The following MAP7D1 variants were observed in gnomAD, a reference collection of about 807,000 sequenced individuals.
The protein encoded by MAP7D1 is MAP7 domain-containing protein 1.
MAP7D1 carries 30 observed loss-of-function variants against 97.5 expected under a neutral mutation model. The ratio of observed to expected loss-of-function variants is 0.31; its 90% CI spans 0.23 to 0.42. MAP7D1 has a LOEUF of 0.42. Among genes scored for constraint, MAP7D1 ranks in the 10% least tolerant of loss-of-function variants. The probability of loss-of-function intolerance (pLI) is 1.00; values close to 1 mark genes in which losing one functional copy is unlikely to be tolerated. For synonymous variants in MAP7D1, 536 were observed against 477.1 expected (o/e 1.12, Z -1.61); for missense variants, 1,184 against 1,179.5 (o/e 1.00, Z -0.06).
intron 1 of MAP7D1, among the ~76,000 whole-genome samples, chr1:36,161,863 A>ATGTATGTG (rs1644413678): frequency 7.3e-6 from 1 of 137,846 alleles, no homozygotes; most frequent in African/African-American, 2.8e-5. Context: ...TTTCCTCTGC[A>ATGTATGTG]TGTGTGTGTG....
intron 1 of MAP7D1, among the ~76,000 whole-genome samples, chr1:36,168,741 G>A (rs965935765): frequency 2.6e-5 from 4 of 152,152 alleles, no homozygotes; most frequent in African/African-American, 7.2e-5. Flanking sequence ...AATTTATTGC[G>A]TAACACCTAT....
intron 5 of MAP7D1, 97 bp downstream of exon 5, chr1:36,173,575 G>A (rs747188471): frequency 2.3e-6 from 2 of 865,966 alleles, no homozygotes; most frequent in Non-Finnish European, 3.6e-6. Flanking sequence ...GTGGCTCCCT[G>A]CAGCAGGTGT....
intron 1 of MAP7D1, among the ~76,000 whole-genome samples, chr1:36,167,508 CGTG>C (rs1644487594): frequency 6.6e-6 from 1 of 152,104 alleles, no homozygotes; most frequent in African/African-American, 2.4e-5. Flanking sequence ...GATGAGGAGA[CGTG>C]GATATATTCT....
rs775698258 is a variant in MAP7D1 at position 36,178,187 on chromosome 1, C to T, written c.1694C>T (p.Ala565Val). 8 of 1,570,454 alleles carry T rather than the reference C, an allele frequency of 5.1e-6. No homozygotes were observed. The Admixed American group carries it at 7.4e-5, about 15-fold the overall frequency. The change falls in exon 9 of 17, where the codon GCG becomes GTG. Residue 565 changes from alanine to valine, a missense_variant. By Grantham distance (64) the Ala-to-Val change is moderately conservative. Coordinates refer to ENST00000474796, the MANE Select transcript of MAP7D1 (RefSeq NM_001388490.1). The part of the protein sequence containing the change: ...PAPPQKEQPP[A>V]ETPTDAAVLT... The stretch of plus-strand genomic sequence containing the variant: ...CCGCCCCAGAAGGAGCAGCCCCCCG[C>T]GGAGACCCCTACAGGTAGGAATGAA...
At chr1:36,162,510 A>G (rs1012519489) in intron 1 of MAP7D1, among the ~76,000 whole-genome samples, 1 of 152,208 alleles carries the variant, frequency 6.6e-6, no homozygotes, top group African/African-American at 2.4e-5. Flanking sequence ...TCTGGATTCA[A>G]ATCCTACCTC....
chr1:36,156,318 G>T lies in MAP7D1; in HGVS notation c.-100G>T. 1 of 1,043,770 alleles carries T rather than the reference G, an allele frequency of 9.6e-7. No individual in the cohort carries two copies. The allele number at this position is 1,043,770 out of a possible 1,614,324, so 64.7% of individuals were successfully genotyped here. ...CTCCGAGTCGCTACTTGCCGGGCCG[G>T]GCCGGGCCGGGCGTGATGCGCCGCG... On this transcript the variant is annotated 5_prime_UTR_variant, in exon 1 of 17. Coordinates refer to ENST00000474796, the MANE Select transcript of MAP7D1 (RefSeq NM_001388490.1).
chr1:36,172,913 T>A (rs979069141), intron 4 of MAP7D1, among the ~76,000 whole-genome samples: 2 of 152,238 alleles, frequency 1.3e-5, no homozygotes, highest in Non-Finnish European at 2.9e-5. Flanking sequence ...CAGGTATGCA[T>A]CTGTGTGAGC....
Position 36,156,227 on chromosome 1 carries a change from C to T in MAP7D1, c.-191C>T. ...GGGTTCGCGACCGCAGCCGAGAGAC[C>T]CCGGGCGACCGGCACCTCCGAGACT... On this transcript the variant is annotated 5_prime_UTR_variant, in exon 1 of 17. Transcript: ENST00000474796. 2.2e-6 allele frequency: 1 copy of T among 445,086 alleles called. No homozygotes were observed. The allele number at this position is 445,086 out of a possible 1,614,324, so 27.6% of individuals were successfully genotyped here. A position where few individuals can be genotyped will look rare whatever the true frequency, so the allele number is the denominator to read the frequency against.
At chr1:36,167,523 C>T (rs901544561) in intron 1 of MAP7D1, among the ~76,000 whole-genome samples, 25 of 152,290 alleles carry the variant, frequency 1.6e-4, no homozygotes, top group African/African-American at 5.3e-4. Context: ...ATATATTCTT[C>T]GGGGCAGGTG....
Position 36,178,207 on chromosome 1 carries a change from A to C in MAP7D1, c.1708+6A>C. The C allele has an allele frequency of 6.5e-7, 1 of 1,531,096 alleles. No individual in the cohort carries two copies. The highest frequency in any genetic ancestry group is 1.2e-5 in the South Asian group (1 of 83,730). 94.8% of individuals were successfully genotyped at this position (1,531,096 alleles called of 1,614,324 possible). A position where few individuals can be genotyped will look rare whatever the true frequency, so the allele number is the denominator to read the frequency against. On this transcript the variant is annotated splice_donor_region_variant and intron_variant, in intron 9 of 16. Coordinates refer to ENST00000474796, the MANE Select transcript of MAP7D1 (RefSeq NM_001388490.1). The stretch of plus-strand genomic sequence containing the variant: ...CCCCGCGGAGACCCCTACAGGTAGG[A>C]ATGAAGAGAGGGGAGGGGTGGGCCG...
intron 2 of MAP7D1, 44 bp downstream of exon 2, chr1:36,171,359 G>A: frequency 6.5e-7 from 1 of 1,544,136 alleles, no homozygotes; most frequent in South Asian, 1.2e-5. Flanking sequence ...TCTTGGCTCA[G>A]GGTCCTGGCC....
rs146307626 is a variant in MAP7D1, at chr1:36,173,439, G to T, written c.700G>T (p.Ala234Ser). The T allele has an allele frequency of 4.0e-4, 653 of 1,613,914 alleles. 1 individual carries two copies. Among genetic ancestry groups the T allele is most frequent in the Non-Finnish European group, 5.3e-4 (620 of 1,179,984 alleles). The change falls in exon 5 of 17, where the codon GCA (alanine) becomes TCA (serine). Residue 234 changes from alanine (A) to serine (S), a missense_variant. Ala to Ser is a moderately conservative substitution (Grantham distance 99, BLOSUM62 1). Transcript: ENST00000474796. ...AEIRQQRWSW[A>S]GALHHSSPGH... ...AATCCGGCAGCAGCGCTGGTCCTGG[G>T]CAGGGGCCCTGCACCACAGCTCTCC...
At position 36,179,497 on chromosome 1, in the gene MAP7D1, T is replaced by A. The variant is rs1644685524; in HGVS notation, c.2185-18T>A. ...CCGGCTGTCCCTTGAGCCTGACTGCTCTTCCTCTTCAAAGCAGAAGCAGGA... is the reference window on the plus strand; with the variant it reads ...CCGGCTGTCCCTTGAGCCTGACTGCACTTCCTCTTCAAAGCAGAAGCAGGA... On this transcript the variant is annotated intron_variant, in intron 13 of 16. Transcript: ENST00000474796. The A allele has an allele frequency of 1.3e-6, 2 of 1,580,162 alleles. No homozygotes were observed. The highest frequency in any genetic ancestry group is 4.6e-5 in the East Asian group (2 of 43,552).
chr1:36,177,323 C>T (rs938021820), intron 8 of MAP7D1: 1 of 295,020 alleles, frequency 3.4e-6, no homozygotes, highest in Admixed American at 4.9e-5. Context: ...AGTACCCCAA[C>T]ACCTAAAATA....
Position 36,176,600 on chromosome 1 carries a change from T to C in MAP7D1, c.1233+19T>C. ...CTCGCCGGTGAGTGGCTCTACTGGC[T>C]CGAGTGGCCGCGCAGGTGGGGACAG... On this transcript the variant is annotated intron_variant, in intron 7 of 16. Transcript: ENST00000474796. This position sits in a 1 kb window ranked among gnomAD's most constrained non-coding sequence, Gnocchi z 6.1. 2 of 1,539,874 alleles carry C rather than the reference T, an allele frequency of 1.3e-6. No homozygotes were observed. The highest frequency in any genetic ancestry group is 1.9e-5 in the Admixed American group (1 of 52,530).
Position 36,179,335 on chromosome 1 carries a change from G to C in MAP7D1, c.2184+20G>C. The C allele has an allele frequency of 6.2e-7, 1 of 1,613,766 alleles. No individual in the cohort carries two copies. On this transcript the variant is annotated intron_variant, in intron 13 of 16. Coordinates refer to ENST00000474796, the MANE Select transcript of MAP7D1 (RefSeq NM_001388490.1). ...ACCAAGGTCAGAATTCCCCCGAAGG[G>C]CAGTGCTGGGCGTGGGGGGCAGGGT...
intron 4 of MAP7D1, among the ~76,000 whole-genome samples, chr1:36,173,022 G>A (rs1474135314): frequency 6.6e-6 from 1 of 152,230 alleles, no homozygotes; most frequent in Non-Finnish European, 1.5e-5. Flanking sequence ...CCTCAGGCTA[G>A]AGGGAACACA....
intron 1 of MAP7D1, among the ~76,000 whole-genome samples, chr1:36,161,288 G>A (rs1644405593): frequency 6.6e-6 from 1 of 152,168 alleles, no homozygotes; most frequent in Admixed American, 6.5e-5. Context: ...TGCCCCCTAA[G>A]GGTCCCTCCT....
rs768643991 is a variant in MAP7D1 at position 36,178,110 on chromosome 1, A to G, written c.1617A>G (p.Ser539=). Reference sequence around the variant, plus strand: ...GCAGGGCCAGTAACGAGAAGGAGTCAGCAGCCCCAGCCTCACCGGCACCTT... The same window carrying G: ...GCAGGGCCAGTAACGAGAAGGAGTCGGCAGCCCCAGCCTCACCGGCACCTT... ...SKRRASNEKE[S]AAPASPAPSP... The change falls in exon 9 of 17, where the codon TCA becomes TCG. Residue 539 remains serine, a synonymous_variant. Transcript: ENST00000474796. 3 of 1,597,054 alleles carry G rather than the reference A, an allele frequency of 1.9e-6. No homozygotes were observed. The highest frequency in any genetic ancestry group is 2.6e-6 in the Non-Finnish European group (3 of 1,172,784).
Sources: allele counts gnomAD v4.1 joint callset (sites outside exome capture counted in the v4.1 genomes callset), GRCh38; gene constraint gnomAD v4.1.1; non-coding constraint Gnocchi (gnomAD v3.1); transcripts MANE v1.5; gene names NCBI Gene and HGNC (gene_info 2026-07-23, HGNC 2026-07-21).